EXOC6: variants seen among roughly 807,000 people sequenced by gnomAD.
The protein encoded by EXOC6 is SEC15-like 1.
EXOC6 carries 60 observed loss-of-function variants against 112.5 expected under a neutral mutation model. The ratio of observed to expected loss-of-function variants is 0.53; its 90% CI spans 0.43 to 0.66. The LOEUF is 0.66. EXOC6 is among the 30% of genes least tolerant of loss of function. The pLI is 0.00. For missense variants in EXOC6, 855 were observed against 957.1 expected (o/e 0.89, Z 1.41); for synonymous variants, 295 against 308.0 (o/e 0.96, Z 0.44).
Position 92,896,093 on chromosome 10 carries a change from A to ATG in EXOC6, c.412+1079_412+1080dup, listed in dbSNP as rs1162515265. Among the ~76,000 whole-genome samples, 146 of 54,884 alleles carry ATG rather than the reference A, an allele frequency of 2.7e-3. 2 individuals are homozygous for ATG. Among genetic ancestry groups the ATG allele is most frequent in the African/African-American group, 0.011 (127 of 11,126 alleles). 36.0% of individuals were successfully genotyped at this position (54,884 alleles called of 152,430 possible). A position where few individuals can be genotyped will look rare whatever the true frequency, so the allele number is the denominator to read the frequency against. Reference sequence around the variant, plus strand: ...TGTGTATATATATGTGTATATATATATGTGTGTATATATATGTGTATATAT... The same window carrying ATG: ...TGTGTATATATATGTGTATATATATATGTGTGTGTATATATATGTGTATATAT... On this transcript the variant is annotated intron_variant, in intron 4 of 21. Transcript: ENST00000260762.
intron 20 of EXOC6, among the ~76,000 whole-genome samples, chr10:93,033,119 A>G (rs1335374342): frequency 6.6e-6 from 1 of 152,138 alleles, no homozygotes; most frequent in Non-Finnish European, 1.5e-5. Flanking sequence ...GTATGATGGG[A>G]AATCATTCAA....
At chr10:92,910,348 T>G (rs1046134459) in intron 6 of EXOC6, among the ~76,000 whole-genome samples, 2 of 152,180 alleles carry the variant, frequency 1.3e-5, no homozygotes, top group African/African-American at 4.8e-5. Flanking sequence ...CACAGATGTG[T>G]TGAGCCACAG....
At chr10:92,975,539 C>T (rs1331974816) in intron 18 of EXOC6, among the ~76,000 whole-genome samples, 12 of 148,570 alleles carry the variant, frequency 8.1e-5, no homozygotes, top group Admixed American at 7.3e-4. Flanking sequence ...GGGTCAGCCC[C>T]CCAGCCGCCC....
chr10:92,850,234 G>T (rs995062096), intron 1 of EXOC6, among the ~76,000 whole-genome samples: 4 of 152,272 alleles, frequency 2.6e-5, no homozygotes, highest in African/African-American at 9.6e-5. Flanking sequence ...TAACTTAGAA[G>T]AAAAATTTGA....
At chr10:93,030,197 C>T (rs562011521) in intron 20 of EXOC6, among the ~76,000 whole-genome samples, 1 of 150,844 alleles carries the variant, frequency 6.6e-6, no homozygotes, top group South Asian at 2.1e-4. Context: ...CCTGAGCCAC[C>T]GCGACTAGCC....
In EXOC6 at chr10:92,919,833, C is replaced by T. The variant is rs1488634475; in HGVS notation, c.820-149C>T. Reference sequence around the variant, plus strand: ...CCAAAACAAAATAAAGAAGGTTTTGCGTTTATAGTGTATGCTTTCTATGGG... The same window carrying T: ...CCAAAACAAAATAAAGAAGGTTTTGTGTTTATAGTGTATGCTTTCTATGGG... On this transcript the variant is annotated intron_variant, in intron 7 of 21. Transcript: ENST00000260762. 2.2e-5 allele frequency: 11 copies of T among 506,824 alleles called. 1 individual carries two copies. Among genetic ancestry groups the T allele is most frequent in the South Asian group, 7.1e-5 (2 of 28,174 alleles). The allele number at this position is 506,824 out of a possible 1,614,324, so 31.4% of individuals were successfully genotyped here.
In EXOC6 at chr10:93,014,176, TTTTC is replaced by T. The variant is rs1347880737; in HGVS notation, c.2096-10_2096-7del. On this transcript the variant is annotated splice_polypyrimidine_tract_variant and intron_variant, in intron 19 of 21. Transcript: ENST00000260762. ...TTGTGATCTCATTTTTATTCTTTTT[TTTTC>T]TTTCTTTTAATAGTGTTTGCCAGCT... 6.3e-7 allele frequency: 1 copy of T among 1,599,468 alleles called. No homozygotes were observed.
At chr10:93,032,839 C>T (rs566135869) in intron 20 of EXOC6, among the ~76,000 whole-genome samples, 2 of 152,220 alleles carry the variant, frequency 1.3e-5, no homozygotes, top group South Asian at 2.1e-4. Flanking sequence ...GTGAGGTGGG[C>T]CACTTCAGAT....
At chr10:93,011,791 C>G (rs994022570) in intron 19 of EXOC6, among the ~76,000 whole-genome samples, 5 of 151,980 alleles carry the variant, frequency 3.3e-5, no homozygotes, top group African/African-American at 4.8e-5. Flanking sequence ...ACTCAGCTAC[C>G]TAGGGCATAG....
chr10:92,860,591 A>G (rs529808612), intron 1 of EXOC6, among the ~76,000 whole-genome samples: 1 of 152,212 alleles, frequency 6.6e-6, no homozygotes, highest in Non-Finnish European at 1.5e-5. Flanking sequence ...CCCAAGCTGA[A>G]ACTCTTATTA....
At chr10:92,974,719 C>T (rs906294936) in intron 18 of EXOC6, among the ~76,000 whole-genome samples, 1 of 152,338 alleles carries the variant, frequency 6.6e-6, no homozygotes, top group East Asian at 1.9e-4. Flanking sequence ...GCGCACGCCA[C>T]CACGCCTGAC....
chr10:92,975,085 G>A (rs1842460314), intron 18 of EXOC6, among the ~76,000 whole-genome samples: 1 of 150,922 alleles, frequency 6.6e-6, no homozygotes. Context: ...AGTGAGGAGC[G>A]TCTCTGCCCG....
Position 92,952,285 on chromosome 10 carries a change from A to G in EXOC6, c.1429A>G (p.Lys477Glu), listed in dbSNP as rs367940566. Residue 477 changes from lysine (K) to glutamate (E), a missense_variant, in exon 15 of 22, where the codon AAG (lysine) becomes GAG (glutamate). Transcript: ENST00000260762. ...TCTTTTTCTACAGCAGTCTTTCCCA[A>G]AGAAATTCCCCATGTCTCAGTCAGT... ...DPDLEKQSFP[K>E]KFPMSQSVPH... 19 of 1,604,352 alleles carry G rather than the reference A, an allele frequency of 1.2e-5. No homozygotes were observed. Among genetic ancestry groups the G allele is most frequent in the South Asian group, 1.1e-5 (1 of 88,524 alleles).
chr10:92,965,403 C>T (rs920297515), intron 17 of EXOC6, among the ~76,000 whole-genome samples: 4 of 152,052 alleles, frequency 2.6e-5, no homozygotes, highest in African/African-American at 4.8e-5. Flanking sequence ...ACATTTCTGC[C>T]TCCAGAGGGC....
In EXOC6 at chr10:92,894,988, C is replaced by A; in HGVS notation, c.380C>A (p.Thr127Asn). The A allele has an allele frequency of 3.7e-6, 6 of 1,611,958 alleles. No individual in the cohort carries two copies. Among genetic ancestry groups the A allele is most frequent in the Non-Finnish European group, 5.1e-6 (6 of 1,178,234 alleles). The change falls in exon 4 of 22, where the codon ACT becomes AAT. Residue 127 changes from threonine to asparagine, a missense_variant. By Grantham distance (65) the Thr-to-Asn change is moderately conservative. This residue lies in a region of EXOC6 where 405 missense variants were observed against 393.6 expected (regional missense o/e 1.03). Coordinates refer to ENST00000260762, the MANE Select transcript of EXOC6 (RefSeq NM_019053.6). ...RCRIQQRNIT[T>N]VVEKLQLCLP... ...AGAATTCAGCAGAGAAATATTACAACTGTAGTAGAAAAATTGCAGTTATGC... is the reference window on the plus strand; with the variant it reads ...AGAATTCAGCAGAGAAATATTACAAATGTAGTAGAAAAATTGCAGTTATGC...
At chr10:93,011,050 G>A (rs1844218080) in intron 19 of EXOC6, among the ~76,000 whole-genome samples, 1 of 151,984 alleles carries the variant, frequency 6.6e-6, no homozygotes, top group Admixed American at 6.6e-5. Flanking sequence ...ATAACTATAT[G>A]TCTAATTGAA....
chr10:92,933,867 A>G (rs532641434), intron 9 of EXOC6, among the ~76,000 whole-genome samples: 1 of 152,282 alleles, frequency 6.6e-6, no homozygotes, highest in South Asian at 2.1e-4. Context: ...TATAATACAT[A>G]GTCAAAGTAG....
chr10:92,946,876 C>T (rs10509647), intron 13 of EXOC6, among the ~76,000 whole-genome samples: 67,552 of 152,046 alleles, frequency 0.44, 15,727 homozygotes, highest in African/African-American at 0.57. Context: ...AGATGTTCTT[C>T]ACGTACTCTG....
intron 18 of EXOC6, among the ~76,000 whole-genome samples, chr10:92,977,894 G>A (rs951982524): frequency 2.6e-5 from 4 of 152,058 alleles, no homozygotes; most frequent in Non-Finnish European, 5.9e-5. Flanking sequence ...ACATACTCTG[G>A]TGGCATTGAG....
Sources: gnomAD v4.1 joint callset for allele counts (sites outside exome capture counted in the v4.1 genomes callset) on GRCh38, gnomAD v4.1.1 for gene constraint, gnomAD v4.1.1 regional missense constraint, MANE v1.5 for transcripts, NCBI Gene and HGNC (gene_info 2026-07-23, HGNC 2026-07-21) for gene names.